The following ZNF106 variants were observed in gnomAD, a reference collection of about 807,000 sequenced individuals.
ZNF106 encodes the protein zinc finger protein 106.
Under a neutral mutation model 195.1 loss-of-function variants are expected in ZNF106, and 67 were observed. That is an observed-to-expected ratio of 0.34 (90% CI 0.28 to 0.42). The LOEUF (loss-of-function observed/expected upper bound fraction) is 0.42. Among genes scored for constraint, ZNF106 ranks in the 10% least tolerant of loss-of-function variants. ZNF106 has a pLI of 1.00. For missense variants in ZNF106, 2,118 were observed against 2,304.5 expected (o/e 0.92, Z 1.66); for synonymous variants, 784 against 818.6 (o/e 0.96, Z 0.72).
intron 1 of ZNF106, among the ~76,000 whole-genome samples, chr15:42,478,348 G>C (rs1025934008): frequency 1.3e-5 from 2 of 151,782 alleles, no homozygotes; most frequent in Non-Finnish European, 2.9e-5. Context: ...ATTTTTAGTA[G>C]AGATGGAGTT....
intron 20 of ZNF106, 148 bp downstream of exon 20, chr15:42,420,913 G>A (rs1595860669): frequency 1.6e-5 from 11 of 668,010 alleles, no homozygotes; most frequent in East Asian, 1.0e-4. Flanking sequence ...AACCACCACC[G>A]AGGAGACAAC....
chr15:42,465,928 A>G, intron 3 of ZNF106, 125 bp downstream of exon 3: 1 of 682,870 alleles, frequency 1.5e-6, no homozygotes, highest in Non-Finnish European at 2.3e-6. Context: ...TAATTCTAAA[A>G]GGTTGTTCTA....
chr15:42,419,925 G>A (rs1321406611), intron 20 of ZNF106, among the ~76,000 whole-genome samples: 1 of 152,186 alleles, frequency 6.6e-6, no homozygotes, highest in Non-Finnish European at 1.5e-5. Flanking sequence ...ACTCCAGCCT[G>A]GGCAACAGAG....
intron 18 of ZNF106, 145 bp downstream of exon 18, chr15:42,422,356 C>T (rs910595907): frequency 8.1e-6 from 9 of 1,116,606 alleles, no homozygotes; most frequent in Non-Finnish European, 9.9e-6. Flanking sequence ...AGTCCACAGG[C>T]CAGCTGTTTC....
intron 2 of ZNF106, among the ~76,000 whole-genome samples, 165 bp downstream of exon 2, chr15:42,472,071 G>A (rs984399761): frequency 1.3e-5 from 2 of 152,166 alleles, no homozygotes; most frequent in Non-Finnish European, 2.9e-5. Flanking sequence ...AAAGAAACCA[G>A]TGGAATGAGA....
Position 42,463,474 on chromosome 15 carries a change from T to C in ZNF106, c.116+2579A>G, listed in dbSNP as rs1233526972. Among the ~76,000 whole-genome samples, 5 of 151,996 alleles carry C rather than the reference T, an allele frequency of 3.3e-5. No individual in the cohort carries two copies. The South Asian group carries it at 1.0e-3, about 32-fold the overall frequency. On this transcript the variant is annotated intron_variant, in intron 3 of 21. Coordinates refer to ENST00000564754, the MANE Select transcript of ZNF106 (RefSeq NM_001366845.3). ...ACTTTGGAAGGCAGAGGTAGGAGGA[T>C]CAGCTAGAGCCCAGGAATTCAAGAC... is the stretch of plus-strand genomic sequence containing the variant.
intron 14 of ZNF106, among the ~76,000 whole-genome samples, chr15:42,431,322 T>G (rs945723669): frequency 6.6e-6 from 1 of 151,928 alleles, no homozygotes; most frequent in Non-Finnish European, 1.5e-5. Context: ...ATGTGTATTC[T>G]GCAATTTTGA....
At chr15:42,441,785 C>G (rs556714623) in intron 10 of ZNF106, 9 of 229,294 alleles carry the variant, frequency 3.9e-5, no homozygotes, top group Non-Finnish European at 7.6e-5. Context: ...TTATTTCACA[C>G]GAAACAAATT....
At chr15:42,487,759 T>A (rs561525303) in intron 1 of ZNF106, among the ~76,000 whole-genome samples, 15 of 152,162 alleles carry the variant, frequency 9.9e-5, no homozygotes, top group Non-Finnish European at 2.2e-4. Context: ...CTTGCATAAC[T>A]GAAACTTTAT....
chr15:42,487,027 G>C lies in ZNF106; in HGVS notation c.-33+3953C>G, dbSNP rs554783966. Among the ~76,000 whole-genome samples, 326 of 152,106 alleles carry C rather than the reference G, an allele frequency of 2.1e-3. No individual in the cohort carries two copies. The Middle Eastern group carries it at 0.027, about 13-fold the overall frequency. ...TAGCCAGGCATGGTGGCAGGTGCCT[G>C]TAATCCCAGCTACTCGGGAGGCTGA... On this transcript the variant is annotated intron_variant, in intron 1 of 21. Transcript: ENST00000564754.
intron 1 of ZNF106, among the ~76,000 whole-genome samples, chr15:42,488,157 T>C (rs2057057969): frequency 6.6e-6 from 1 of 151,756 alleles, no homozygotes; most frequent in Non-Finnish European, 1.5e-5. Context: ...TCCCCAAATA[T>C]TATCCATCCA....
At chr15:42,478,668 C>T (rs1468323743) in intron 1 of ZNF106, among the ~76,000 whole-genome samples, 14 of 151,958 alleles carry the variant, frequency 9.2e-5, no homozygotes, top group East Asian at 3.9e-4. Flanking sequence ...CCTGCCACCA[C>T]GCCCAGCTAA....
chr15:42,435,054 G>A (rs149003204), intron 14 of ZNF106, among the ~76,000 whole-genome samples: 312 of 152,284 alleles, frequency 2.0e-3, no homozygotes, highest in African/African-American at 7.1e-3. Context: ...GATTAGAGGC[G>A]TGAGCCACTG....
Position 42,451,594 on chromosome 15 carries a change from G to A in ZNF106, c.678C>T (p.Ser226=). The stretch of plus-strand genomic sequence containing the variant: ...CACCTGTTCCTTCAGAAAGCCAACT[G>A]GAATTCCTTCCTGTACCATTATGAT... ...DWNHNGTGRN[S]SWLSEGTGGF... The change falls in exon 5 of 22, where the codon TCC becomes TCT. Residue 226 remains serine (S), a synonymous_variant. Coordinates refer to ENST00000564754, the MANE Select transcript of ZNF106 (RefSeq NM_001366845.3). 6.2e-7 allele frequency: 1 copy of A among 1,614,126 alleles called. No homozygotes were observed. The highest frequency in any genetic ancestry group is 8.5e-7 in the Non-Finnish European group (1 of 1,180,032).
chr15:42,473,941 C>T (rs74928393), intron 1 of ZNF106, among the ~76,000 whole-genome samples: 2,436 of 152,212 alleles, frequency 0.016, 65 homozygotes, highest in African/African-American at 0.056. Context: ...TCTTGAAAGC[C>T]AGCCACCGTG....
At chr15:42,466,202 G>T in intron 2 of ZNF106, 88 bp from the exon 3 acceptor site, 1 of 969,300 alleles carries the variant, frequency 1.0e-6, no homozygotes, top group Non-Finnish European at 1.4e-6. Flanking sequence ...CAAAAATTGG[G>T]GCTCAAACTC....
chr15:42,421,785 C>T (rs2054665985), intron 19 of ZNF106, 132 bp downstream of exon 19: 1 of 601,754 alleles, frequency 1.7e-6, no homozygotes, highest in Non-Finnish European at 2.7e-6. Context: ...GGTTACTTCC[C>T]TATTATGCCA....
intron 13 of ZNF106, 141 bp from the exon 14 acceptor site, chr15:42,435,659 T>C (rs2055247166): frequency 7.0e-6 from 7 of 999,428 alleles, no homozygotes; most frequent in Non-Finnish European, 1.0e-5. Flanking sequence ...ACACAAAAGA[T>C]GCTCAGTAAA....
rs1441834610 is a variant in ZNF106 at position 42,441,194 on chromosome 15, T to A, written c.3763+879A>T. Among the ~76,000 whole-genome samples the A allele has an allele frequency of 2.3e-5, 3 of 132,712 alleles. No homozygotes were observed. The Admixed American group carries it at 2.3e-4, about 10-fold the overall frequency. The allele number at this position is 132,712 out of a possible 152,430, so 87.1% of individuals were successfully genotyped here. A position where few individuals can be genotyped will look rare whatever the true frequency, so the allele number is the denominator to read the frequency against. ...TACTTAAAAAAAAAAAAAAAAAAAATTAGCCGGGCATGGTGGCAGGCATCT... is the reference window on the plus strand; with the variant it reads ...TACTTAAAAAAAAAAAAAAAAAAAAATAGCCGGGCATGGTGGCAGGCATCT... On this transcript the variant is annotated intron_variant, in intron 10 of 21. Transcript: ENST00000564754.
Sources: allele counts gnomAD v4.1 joint callset (sites outside exome capture counted in the v4.1 genomes callset), GRCh38; gene constraint gnomAD v4.1.1; transcripts MANE v1.5; gene names NCBI Gene and HGNC (gene_info 2026-07-23, HGNC 2026-07-21).